Variants in SYNM observed in about 807,000 individuals in gnomAD.
The protein encoded by SYNM is synemin, also known as desmuslin.
In SYNM, 95 loss-of-function variants were observed where a neutral mutation model predicts 104.0. The observed-to-expected ratio is 0.91, with a 90% CI of 0.77 to 1.08. The LOEUF (loss-of-function observed/expected upper bound fraction) is 1.08. Among genes scored for constraint, SYNM ranks in the 50% least tolerant of loss-of-function variants. The probability of loss-of-function intolerance (pLI) is 0.00; values close to 1 mark genes in which losing one functional copy is unlikely to be tolerated. For missense variants in SYNM, 2,150 were observed against 2,052.2 expected, an observed-to-expected ratio of 1.05 and a Z score of -0.92; for synonymous variants, 918 against 869.0, an observed-to-expected ratio of 1.06 and a Z score of -0.99.
rs1555485444 is a variant in SYNM at position 99,129,690 on chromosome 15, A to T, written c.1330A>T (p.Thr444Ser). Residue 444 changes from threonine to serine, a missense_variant, in exon 4 of 4, where the codon ACA becomes TCA. Thr to Ser is a moderately conservative substitution (Grantham distance 58). Transcript: ENST00000336292. Reference protein sequence around the residue: ...LLRNTEAQVKTFPDRPKAGDT... With the variant: ...LLRNTEAQVKSFPDRPKAGDT... ...AAGAAATACTGAGGCTCAAGTGAAA[A>T]CATTCCCTGACAGACCAAAAGCCGG... The T allele has an allele frequency of 6.2e-7, 1 of 1,613,812 alleles. No individual in the cohort carries two copies. The highest frequency in any genetic ancestry group is 1.7e-5 in the Admixed American group (1 of 60,006).
chr15:99,127,080 T>A (rs1426933724), intron 3 of SYNM, among the ~76,000 whole-genome samples: 1 of 151,936 alleles, frequency 6.6e-6, no homozygotes, highest in East Asian at 1.9e-4. Flanking sequence ...CGAGCAGGAG[T>A]GCACCTGAAC....
rs1488446591 is a variant in SYNM, at chr15:99,130,919, C to A, written c.2559C>A (p.Ile853=). ...ATGACGGCTCGGTGTACGGGCAGAT[C>A]CACATCGAGGAGGAATCCACCATCA... ...DRDDGSVYGQ[I]HIEEESTIRY... The change falls in exon 4 of 4, where the codon ATC becomes ATA. Residue 853 remains isoleucine (I), a synonymous_variant. Transcript: ENST00000336292. The A allele has an allele frequency of 6.2e-7, 1 of 1,613,688 alleles. No individual in the cohort carries two copies. Among genetic ancestry groups the A allele is most frequent in the East Asian group, 2.2e-5 (1 of 44,876 alleles).
At chr15:99,119,739 T>C (rs574420012) in intron 2 of SYNM, among the ~76,000 whole-genome samples, 2 of 152,362 alleles carry the variant, frequency 1.3e-5, no homozygotes, top group East Asian at 1.9e-4. Flanking sequence ...TCTTAAGTCT[T>C]GTTTTGCAGA....
Position 99,131,884 on chromosome 15 carries a change from CG to C in SYNM, c.3525del (p.Leu1176TrpfsTer15). On this transcript the variant is annotated frameshift_variant, in exon 4 of 4. Coordinates refer to ENST00000336292, the MANE Select transcript of SYNM (RefSeq NM_145728.3). LOFTEE classifies it high-confidence loss of function. This position sits in a 1 kb window ranked among gnomAD's most constrained non-coding sequence, Gnocchi z 4.3. ...GCCAGCCGGTCTGTGAGGCATGTCA[CG>C]CTGGGTCCCGGTCAAAGTCCACTGT... ...TGASRSVRHV[T>X]LGPGQSPLSR... is the part of the protein sequence containing the mutation. 1 of 1,613,964 alleles carries C rather than the reference CG, an allele frequency of 6.2e-7. No homozygotes were observed. The highest frequency in any genetic ancestry group is 8.5e-7 in the Non-Finnish European group (1 of 1,179,898).
chr15:99,125,120 GC>G (rs1387553976), intron 2 of SYNM, among the ~76,000 whole-genome samples: 8 of 152,322 alleles, frequency 5.3e-5, no homozygotes, highest in Admixed American at 5.2e-4. Context: ...CAAGGGAGAG[GC>G]CCCGTGGTAC....
chr15:99,110,032 A>G (rs2067287285), intron 1 of SYNM, among the ~76,000 whole-genome samples: 1 of 152,194 alleles, frequency 6.6e-6, no homozygotes, highest in Admixed American at 6.5e-5. Flanking sequence ...AGATTGTTGC[A>G]GTAACCCAGG....
At chr15:99,137,252 A>C (rs2067663132), downstream of SYNM, 1 of 152,298 alleles carries the variant, frequency 6.6e-6, no homozygotes, top group Non-Finnish European at 1.5e-5. Context: ...TGCTGTGTAC[A>C]CGATAGTGTG....
At position 99,132,522 on chromosome 15, in the gene SYNM, A is replaced by C; in HGVS notation, c.4162A>C (p.Thr1388Pro). 6 of 1,614,060 alleles carry C rather than the reference A, an allele frequency of 3.7e-6. No homozygotes were observed. Among genetic ancestry groups the C allele is most frequent in the Non-Finnish European group, 5.1e-6 (6 of 1,179,898 alleles). Residue 1388 changes from threonine (T) to proline (P), a missense_variant, in exon 4 of 4, where the codon ACA (threonine) becomes CCA (proline). Coordinates refer to ENST00000336292, the MANE Select transcript of SYNM (RefSeq NM_145728.3). ...TCCCCAGGAGGATAGTGCAGAGGACACATCAGGGGCAGAAATGACATCGGG... is the reference window on the plus strand; with the variant it reads ...TCCCCAGGAGGATAGTGCAGAGGACCCATCAGGGGCAGAAATGACATCGGG... ...ESPQEDSAED[T>P]SGAEMTSGVS...
downstream of SYNM, chr15:99,138,228 GAGA>G: frequency 6.9e-7 from 1 of 1,445,988 alleles, no homozygotes; most frequent in Non-Finnish European, 9.4e-7. Context: ...ACCCATTTAT[GAGA>G]AGACTTGGTA....
Position 99,129,487 on chromosome 15 carries a change from C to G in SYNM, c.1127C>G (p.Ser376Cys), listed in dbSNP as rs1420128099. The G allele has an allele frequency of 6.2e-7, 1 of 1,613,872 alleles. No homozygotes were observed. The highest frequency in any genetic ancestry group is 1.3e-5 in the African/African-American group (1 of 74,912). ...TTCAATCACAGCTCGGCACTGTATT[C>G]TAACCTGTCAGGGCACCGTGGATCT... ...ASFNHSSALY[S>C]NLSGHRGSQT... Residue 376 changes from serine (S) to cysteine (C), a missense_variant, in exon 4 of 4, where the codon TCT (serine) becomes TGT (cysteine). Ser to Cys is a moderately radical substitution (Grantham distance 112). Transcript: ENST00000336292.
Position 99,113,452 on chromosome 15 carries a change from GT to G in SYNM, c.811-136del, listed in dbSNP as rs2067317953. 3.3e-5 allele frequency: 36 copies of G among 1,094,498 alleles called. No homozygotes were observed. In the South Asian group the frequency reaches 3.8e-4, roughly 12 times the overall value. 67.8% of individuals were successfully genotyped at this position (1,094,498 alleles called of 1,614,324 possible). ...GAAACCATCCTGCAAGTGACTGCAT[GT>G]TTAATAACGCCGGGTGTTTTTCTGG... On this transcript the variant is annotated intron_variant, in intron 1 of 3. Coordinates refer to ENST00000336292, the MANE Select transcript of SYNM (RefSeq NM_145728.3).
At chr15:99,111,300 T>A (rs184587365) in intron 1 of SYNM, among the ~76,000 whole-genome samples, 1 of 152,368 alleles carries the variant, frequency 6.6e-6, no homozygotes, top group East Asian at 1.9e-4. Context: ...AATTTTTAAT[T>A]TGTAATAGTT....
rs2151795834 is a variant in SYNM at position 99,105,556 on chromosome 15, G to C, written c.357G>C (p.Glu119Asp). The change falls in exon 1 of 4, where the codon GAG becomes GAC. Residue 119 changes from glutamate to aspartate, a missense_variant. Glu to Asp is a conservative substitution (Grantham distance 45). Coordinates refer to ENST00000336292, the MANE Select transcript of SYNM (RefSeq NM_145728.3). ...LDAELGAQQR[E>D]LQEALGARAA... ...CCGAGCTGGGTGCGCAGCAGCGCGA[G>C]CTGCAGGAGGCGCTGGGCGCGCGCG... The C allele has an allele frequency of 8.4e-7, 1 of 1,187,020 alleles. No individual in the cohort carries two copies. The highest frequency in any genetic ancestry group is 3.8e-5 in the East Asian group (1 of 26,086). 73.5% of individuals were successfully genotyped at this position (1,187,020 alleles called of 1,614,324 possible).
At position 99,130,031 on chromosome 15, in the gene SYNM, GA is replaced by G; in HGVS notation, c.1673del (p.Lys558ArgfsTer24). ...EARQRESQQM[K>X]EKAKEKDSPK... ...CGAGACAGAGAGAAAGCCAGCAGAT[GA>G]AGGAGAAGGCTAAGGAGAAGGACTC... On this transcript the variant is annotated frameshift_variant, in exon 4 of 4. Coordinates refer to ENST00000336292, the MANE Select transcript of SYNM (RefSeq NM_145728.3). LOFTEE classifies it high-confidence loss of function. The G allele has an allele frequency of 6.2e-7, 1 of 1,613,802 alleles. No individual in the cohort carries two copies. Among genetic ancestry groups the G allele is most frequent in the East Asian group, 2.2e-5 (1 of 44,884 alleles).
chr15:99,105,980 G>C lies in SYNM; in HGVS notation c.781G>C (p.Glu261Gln), dbSNP rs1166500345. Residue 261 changes from glutamate to glutamine, a missense_variant, in exon 1 of 4, where the codon GAG becomes CAG. Transcript: ENST00000336292. ...LEDALLRMRE[E>Q]YGIQAEERQR... The stretch of plus-strand genomic sequence containing the variant: ...GGACGCGCTGCTGCGGATGCGCGAG[G>C]AGTACGGGATACAGGCCGAGGAGCG... 6.6e-7 allele frequency: 1 copy of C among 1,511,344 alleles called. No homozygotes were observed. The highest frequency in any genetic ancestry group is 8.8e-7 in the Non-Finnish European group (1 of 1,136,756). 93.6% of individuals were successfully genotyped at this position (1,511,344 alleles called of 1,614,324 possible).
At position 99,132,348 on chromosome 15, in the gene SYNM, G is replaced by T; in HGVS notation, c.3988G>T (p.Val1330Phe). 1 of 1,613,796 alleles carries T rather than the reference G, an allele frequency of 6.2e-7. No individual in the cohort carries two copies. Among genetic ancestry groups the T allele is most frequent in the Non-Finnish European group, 8.5e-7 (1 of 1,179,718 alleles). Reference protein sequence around the residue: ...TTQQIVYHGLVPQLGESGDSE... With the variant: ...TTQQIVYHGLFPQLGESGDSE... The stretch of plus-strand genomic sequence containing the variant: ...CCAGCAGATAGTTTACCATGGGCTG[G>T]TTCCCCAACTGGGGGAATCTGGTGA... Residue 1330 changes from valine to phenylalanine, a missense_variant, in exon 4 of 4, where the codon GTT becomes TTT. Transcript: ENST00000336292.
Position 99,131,160 on chromosome 15 carries a change from C to T in SYNM, c.2800C>T (p.His934Tyr), listed in dbSNP as rs1596136472. 1 of 1,604,174 alleles carries T rather than the reference C, an allele frequency of 6.2e-7. No individual in the cohort carries two copies. Among genetic ancestry groups the T allele is most frequent in the South Asian group, 1.1e-5 (1 of 89,224 alleles). Residue 934 changes from histidine (H) to tyrosine (Y), a missense_variant, in exon 4 of 4, where the codon CAC (histidine) becomes TAC (tyrosine). Coordinates refer to ENST00000336292, the MANE Select transcript of SYNM (RefSeq NM_145728.3). This position sits in a 1 kb window ranked among gnomAD's most constrained non-coding sequence, Gnocchi z 4.3. Reference protein sequence around the residue: ...EKEIKIPHEFHTSMKGISSKE... With the variant: ...EKEIKIPHEFYTSMKGISSKE... Reference sequence around the variant, plus strand: ...AGAAATTAAAATACCCCACGAATTCCACACCTCCATGAAGGGCATCTCCTC... The same window carrying T: ...AGAAATTAAAATACCCCACGAATTCTACACCTCCATGAAGGGCATCTCCTC...
intron 2 of SYNM, 98 bp from the exon 3 acceptor site, chr15:99,126,624 C>A: frequency 1.7e-6 from 2 of 1,174,380 alleles, no homozygotes; most frequent in African/African-American, 1.5e-5. Context: ...AAACAGGTGA[C>A]ACTATGGTCA....
chr15:99,128,665 T>C (rs1218042861), intron 3 of SYNM, among the ~76,000 whole-genome samples: 2 of 152,178 alleles, frequency 1.3e-5, no homozygotes, highest in African/African-American at 4.8e-5. Context: ...CCTGCTGGGG[T>C]GTGGACACCC....
Sources: allele counts gnomAD v4.1 joint callset (sites outside exome capture counted in the v4.1 genomes callset), GRCh38; gene constraint gnomAD v4.1.1; non-coding constraint Gnocchi (gnomAD v3.1); transcripts MANE v1.5; gene names NCBI Gene and HGNC (gene_info 2026-07-23, HGNC 2026-07-21).